REXO2: variants seen among roughly 807,000 people sequenced by gnomAD.
The protein encoded by REXO2 is RNA exonuclease 2.
REXO2 carries 17 observed loss-of-function variants against 30.9 expected under a neutral mutation model. The observed-to-expected ratio is 0.55, with a 90% confidence interval of 0.38 to 0.82. The LOEUF is 0.82. REXO2 is among the 40% of genes least tolerant of loss of function. The probability of loss-of-function intolerance (pLI) is 0.00; values close to 1 mark genes in which losing one functional copy is unlikely to be tolerated. For synonymous variants in REXO2, 105 were observed against 99.6 expected (o/e 1.05, Z -0.32); for missense variants, 253 against 293.2 (o/e 0.86, Z 1.00).
chr11:114,447,893 C>T lies in REXO2; in HGVS notation c.584+14C>T, dbSNP rs1243589157. ...TGCTTCTCATAGGTAAGTTTGAGTT[C>T]TACCAAGCGTTTTCCAGTCTGACAC... On this transcript the variant is annotated intron_variant, in intron 6 of 6. Coordinates refer to ENST00000265881, the MANE Select transcript of REXO2 (RefSeq NM_015523.4). The T allele has an allele frequency of 1.5e-5, 24 of 1,610,536 alleles. No individual in the cohort carries two copies. The highest frequency in any genetic ancestry group is 8.0e-5 in the African/African-American group (6 of 74,828).
chr11:114,447,834 A>T lies in REXO2; in HGVS notation c.539A>T (p.Tyr180Phe), dbSNP rs1946518759. ...STVKELCRRW[Y>F]PEEYEFAPKK... The stretch of plus-strand genomic sequence containing the variant: ...ATTTCTGCTGTGTATAGACGCTGGT[A>T]TCCAGAAGAATATGAATTTGCACCA... The change falls in exon 6 of 7, where the codon TAT becomes TTT. Residue 180 changes from tyrosine to phenylalanine, a missense_variant. Coordinates refer to ENST00000265881, the MANE Select transcript of REXO2 (RefSeq NM_015523.4). 6.2e-7 allele frequency: 1 copy of T among 1,613,592 alleles called. No homozygotes were observed. Among genetic ancestry groups the T allele is most frequent in the Non-Finnish European group, 8.5e-7 (1 of 1,179,842 alleles).
chr11:114,443,909 T>C lies in REXO2; in HGVS notation c.285T>C (p.Asp95=), dbSNP rs199983925. Residue 95 remains aspartate, a synonymous_variant, in exon 3 of 7, where the codon GAT becomes GAC. Transcript: ENST00000265881. ...ATGAGTTGCTGGACAGCATGTCAGA[T>C]TGGTGTAAGGAGCATCACGGGAAGG... ...QPDELLDSMS[D]WCKEHHGKSG... 100 of 1,609,082 alleles carry C rather than the reference T, an allele frequency of 6.2e-5. No homozygotes were observed. The highest frequency in any genetic ancestry group is 8.0e-5 in the Non-Finnish European group (94 of 1,177,758).
At position 114,439,520 on chromosome 11, in the gene REXO2, T is replaced by G. The variant is rs1946459923; in HGVS notation, c.-9T>G. 6.2e-7 allele frequency: 1 copy of G among 1,604,460 alleles called. No homozygotes were observed. The highest frequency in any genetic ancestry group is 8.5e-7 in the Non-Finnish European group (1 of 1,179,116). ...GCGAGACTGGGGCCGTGGCTGCTGG[T>G]CCCGGGTGATGCTAGGCGGCTCCCT... On this transcript the variant is annotated 5_prime_UTR_variant, in exon 1 of 7. Coordinates refer to ENST00000265881, the MANE Select transcript of REXO2 (RefSeq NM_015523.4).
At chr11:114,440,125 G>A (rs1258501383) in intron 1 of REXO2, 5 of 465,370 alleles carry the variant, frequency 1.1e-5, no homozygotes, top group African/African-American at 9.9e-5. Context: ...GAGGCCCACA[G>A]AAAGGATTCA....
intron 3 of REXO2, 163 bp downstream of exon 3, chr11:114,444,096 G>A (rs1379783864): frequency 4.4e-6 from 3 of 684,572 alleles, no homozygotes; most frequent in African/African-American, 3.5e-5. Flanking sequence ...TTTCATCTTT[G>A]GGACCTCTCG....
At chr11:114,443,138 T>C (rs1228777001) in intron 2 of REXO2, among the ~76,000 whole-genome samples, 24 of 152,054 alleles carry the variant, frequency 1.6e-4, no homozygotes, top group Admixed American at 1.6e-3. Context: ...AGAGATAGGG[T>C]CTCACCCTGT....
chr11:114,441,042 T>G (rs1368128722), intron 2 of REXO2: 1 of 227,392 alleles, frequency 4.4e-6, no homozygotes, highest in Non-Finnish European at 8.5e-6. Context: ...TTTATATGTC[T>G]TTGTTCTTAG....
intron 6 of REXO2, among the ~76,000 whole-genome samples, chr11:114,448,730 T>C (rs1946526539): frequency 6.6e-6 from 1 of 152,266 alleles, no homozygotes. Context: ...ATAGGTATTC[T>C]GCAGTGAAAC....
chr11:114,445,154 A>C (rs929651669), intron 4 of REXO2: 2 of 152,158 alleles, frequency 1.3e-5, no homozygotes, highest in Non-Finnish European at 2.9e-5. Flanking sequence ...ATGTTCCCCA[A>C]AATATTTGTT....
Position 114,443,871 on chromosome 11 carries a change from A to G in REXO2, c.247A>G (p.Ile83Val), listed in dbSNP as rs756325852. The change falls in exon 3 of 7, where the codon ATA becomes GTA. Residue 83 changes from isoleucine (I) to valine (V), a missense_variant. By Grantham distance (29) the Ile-to-Val change is conservative. Coordinates refer to ENST00000265881, the MANE Select transcript of REXO2 (RefSeq NM_015523.4). Reference sequence around the variant, plus strand: ...CCATCCACAGGGTCCTAACCTGATTATAAAACAACCAGATGAGTTGCTGGA... The same window carrying G: ...CCATCCACAGGGTCCTAACCTGATTGTAAAACAACCAGATGAGTTGCTGGA... ...NILAEGPNLI[I>V]KQPDELLDSM... 2.5e-6 allele frequency: 4 copies of G among 1,608,426 alleles called. No individual in the cohort carries two copies. The highest frequency in any genetic ancestry group is 3.4e-6 in the Non-Finnish European group (4 of 1,177,312).
At chr11:114,443,806 A>G (rs1946495526) in intron 2 of REXO2, 50 bp from the exon 3 acceptor site, 4 of 1,350,808 alleles carry the variant, frequency 3.0e-6, no homozygotes, top group Non-Finnish European at 3.1e-6. Flanking sequence ...CTCTGAAAGT[A>G]AGGTTATTCC....
chr11:114,440,959 C>T (rs546766674), intron 2 of REXO2: 15 of 409,954 alleles, frequency 3.7e-5, no homozygotes, highest in Admixed American at 8.3e-5. Flanking sequence ...TTAACCATGC[C>T]AGAAATTTAC....
intron 1 of REXO2, among the ~76,000 whole-genome samples, chr11:114,440,448 A>C (rs1833049063): frequency 6.6e-6 from 1 of 152,164 alleles, no homozygotes; most frequent in Non-Finnish European, 1.5e-5. Flanking sequence ...GTGCTTGACA[A>C]ATAGCAGGCC....
intron 3 of REXO2, 96 bp downstream of exon 3, chr11:114,444,029 T>A: frequency 3.4e-6 from 3 of 876,510 alleles, no homozygotes; most frequent in Non-Finnish European, 5.6e-6. Context: ...GATGGTATTT[T>A]AAAAAGGCTT....
At position 114,444,005 on chromosome 11, in the gene REXO2, C is replaced by T. The variant is rs113557584; in HGVS notation, c.309+72C>T. On this transcript the variant is annotated intron_variant, in intron 3 of 6. Transcript: ENST00000265881. ...AGCTTTTTGCTCCCACACCTGAATC[C>T]GATACCATTGTTGGATGGTATTTTA... 77 of 1,009,402 alleles carry T rather than the reference C, an allele frequency of 7.6e-5. 1 individual carries two copies. In the Middle Eastern group the frequency reaches 8.1e-4, roughly 11 times the overall value. 62.5% of individuals were successfully genotyped at this position (1,009,402 alleles called of 1,614,324 possible).
At chr11:114,446,820 A>G (rs138647188) in intron 5 of REXO2, among the ~76,000 whole-genome samples, 47 of 151,868 alleles carry the variant, frequency 3.1e-4, no homozygotes, top group Non-Finnish European at 6.0e-4. Flanking sequence ...GAAGTTCACT[A>G]TGATCTTGCA....
chr11:114,440,057 C>A, intron 1 of REXO2: 1 of 480,612 alleles, frequency 2.1e-6, no homozygotes, highest in Non-Finnish European at 4.1e-6. Flanking sequence ...GTTGTTAGGG[C>A]CAGACGGGAC....
rs114077514 is a variant in REXO2 at position 114,443,885 on chromosome 11, T to A, written c.261T>A (p.Asp87Glu). The A allele has an allele frequency of 1.2e-6, 2 of 1,609,640 alleles. No homozygotes were observed. The stretch of plus-strand genomic sequence containing the variant: ...CTAACCTGATTATAAAACAACCAGA[T>A]GAGTTGCTGGACAGCATGTCAGATT... Reference protein sequence around the residue: ...EGPNLIIKQPDELLDSMSDWC... With the variant: ...EGPNLIIKQPEELLDSMSDWC... Residue 87 changes from aspartate to glutamate, a missense_variant, in exon 3 of 7, where the codon GAT becomes GAA. Asp to Glu is a conservative substitution (Grantham distance 45). Coordinates refer to ENST00000265881, the MANE Select transcript of REXO2 (RefSeq NM_015523.4).
intron 6 of REXO2, 120 bp from the exon 7 acceptor site, chr11:114,449,726 A>G (rs1057200917): frequency 2.1e-6 from 2 of 939,142 alleles, no homozygotes. Flanking sequence ...ATGATGCTAG[A>G]CAGTGACACT....
Sources: allele counts gnomAD v4.1 joint callset (sites outside exome capture counted in the v4.1 genomes callset), GRCh38; gene constraint gnomAD v4.1.1; transcripts MANE v1.5; gene names NCBI Gene and HGNC (gene_info 2026-07-23, HGNC 2026-07-21).